Variants in MYO16 observed in about 807,000 individuals in gnomAD.
MYO16 encodes the protein myosin XVI.
Under a neutral mutation model 205.3 loss-of-function variants are expected in MYO16, and 94 were observed. The ratio of observed to expected loss-of-function variants is 0.46; its 90% CI spans 0.39 to 0.54. The LOEUF is 0.54. Ranked by LOEUF, MYO16 falls within the 20% of genes least tolerant of loss-of-function variation. The pLI is 0.00. For missense variants in MYO16, 2,315 were observed against 2,387.5 expected, an observed-to-expected ratio of 0.97 and a Z score of 0.63; for synonymous variants, 988 against 954.0, an observed-to-expected ratio of 1.04 and a Z score of -0.66.
intron 1 of MYO16, among the ~76,000 whole-genome samples, chr13:108,618,820 A>C (rs1225881530): frequency 1.3e-5 from 2 of 152,182 alleles, no homozygotes; most frequent in African/African-American, 4.8e-5. Context: ...CACTATTTAC[A>C]ACACTTAAAC....
intron 27 of MYO16, among the ~76,000 whole-genome samples, chr13:109,069,205 T>A (rs1184878349): frequency 3.9e-5 from 6 of 152,212 alleles, no homozygotes; most frequent in Admixed American, 3.3e-4. Flanking sequence ...CAAAGATCAA[T>A]ATGCTTTGTA....
the MYO16 span, among the ~76,000 whole-genome samples, chr13:108,559,672 A>AC: frequency 6.0e-5 from 9 of 150,890 alleles, no homozygotes; most frequent in Non-Finnish European, 1.0e-4. Context: ...ACGGGGTTTC[A>AC]CGTCAGCCCG....
intron 34 of MYO16, among the ~76,000 whole-genome samples, chr13:109,200,766 G>T (rs180760130): frequency 6.6e-6 from 1 of 151,736 alleles, no homozygotes; most frequent in Admixed American, 6.6e-5. Flanking sequence ...CAGCAGATTG[G>T]CACTGCTGCT....
chr13:109,178,311 G>A (rs540700825), intron 33 of MYO16, among the ~76,000 whole-genome samples: 26 of 152,166 alleles, frequency 1.7e-4, no homozygotes, highest in Admixed American at 1.4e-3. Context: ...ACTAGCCATT[G>A]TCCGCCCAGT....
chr13:108,849,351 C>A (rs1048189847), intron 10 of MYO16, among the ~76,000 whole-genome samples: 3 of 152,008 alleles, frequency 2.0e-5, no homozygotes, highest in African/African-American at 7.2e-5. Flanking sequence ...CCACCACGCC[C>A]AGCTAATTTT....
At chr13:108,565,943 T>C in the MYO16 span, among the ~76,000 whole-genome samples, 4 of 152,226 alleles carry the variant, frequency 2.6e-5, no homozygotes, top group Admixed American at 6.5e-5. Context: ...TAATGCTTTG[T>C]TGAGGATTTT....
At chr13:109,154,825 C>T (rs757185183) in intron 32 of MYO16, among the ~76,000 whole-genome samples, 3 of 146,308 alleles carry the variant, frequency 2.1e-5, no homozygotes, top group Non-Finnish European at 3.0e-5. Context: ...TATAAATAAC[C>T]TCATGACCTA....
chr13:109,190,928 G>C (rs904207579), intron 34 of MYO16, among the ~76,000 whole-genome samples: 3 of 152,084 alleles, frequency 2.0e-5, no homozygotes, highest in Non-Finnish European at 2.9e-5. Flanking sequence ...GCATAAAATT[G>C]AATTTTCAGG....
At chr13:109,155,190 A>C (rs1320785824) in intron 32 of MYO16, among the ~76,000 whole-genome samples, 1 of 152,082 alleles carries the variant, frequency 6.6e-6, no homozygotes, top group South Asian at 2.1e-4. Flanking sequence ...TTCCTACTTC[A>C]GTTGGTGTTT....
At chr13:108,646,186 AT>A (rs1880748179) in intron 1 of MYO16, among the ~76,000 whole-genome samples, 1 of 151,930 alleles carries the variant, frequency 6.6e-6, no homozygotes, top group African/African-American at 2.4e-5. Context: ...TGTTAGTTTG[AT>A]TTTCTTTTTT....
intron 1 of MYO16, among the ~76,000 whole-genome samples, chr13:108,663,850 G>A (rs953650200): frequency 6.6e-6 from 1 of 152,106 alleles, no homozygotes; most frequent in Non-Finnish European, 1.5e-5. Flanking sequence ...TTGTGGCCCT[G>A]TTGATCCCCT....
At chr13:108,823,908 G>A (rs918439810) in intron 9 of MYO16, among the ~76,000 whole-genome samples, 1 of 152,058 alleles carries the variant, frequency 6.6e-6, no homozygotes, top group African/African-American at 2.4e-5. Context: ...CAGGTGTTAT[G>A]TATATAACTT....
At chr13:108,964,230 T>C (rs966467701) in intron 19 of MYO16, among the ~76,000 whole-genome samples, 1 of 152,154 alleles carries the variant, frequency 6.6e-6, no homozygotes, top group Non-Finnish European at 1.5e-5. Context: ...TCTATTCTAG[T>C]CCCTTCCCCA....
At chr13:108,807,654 C>T (rs1300258891) in intron 7 of MYO16, among the ~76,000 whole-genome samples, 1 of 152,074 alleles carries the variant, frequency 6.6e-6, no homozygotes, top group Non-Finnish European at 1.5e-5. Flanking sequence ...TATATTTGCT[C>T]ATAATATTCC....
intron 20 of MYO16, among the ~76,000 whole-genome samples, chr13:108,987,031 G>A (rs1301352025): frequency 7.9e-5 from 12 of 152,244 alleles, no homozygotes; most frequent in African/African-American, 1.7e-4. Context: ...ACAGTGCTTT[G>A]TGCACGGGAC....
chr13:109,004,205 T>C (rs913623841), intron 21 of MYO16, among the ~76,000 whole-genome samples: 2 of 152,212 alleles, frequency 1.3e-5, no homozygotes, highest in Non-Finnish European at 2.9e-5. Flanking sequence ...CTATTTGTGT[T>C]AATTTTTAAA....
At chr13:108,516,920 A>ATGTTTTGTTT in the MYO16 span, among the ~76,000 whole-genome samples, 35 of 151,240 alleles carry the variant, frequency 2.3e-4, no homozygotes, top group African/African-American at 8.0e-4. Context: ...TTGAGTAATT[A>ATGTTTTGTTT]TGTTTTGTTT....
Position 108,618,428 on chromosome 13 carries a change from T to C in MYO16, c.-39+22189T>C, listed in dbSNP as rs1050698015. Among the ~76,000 whole-genome samples the C allele has an allele frequency of 4.6e-5, 7 of 152,280 alleles. No individual in the cohort carries two copies. The East Asian group carries it at 1.4e-3, about 29-fold the overall frequency. On this transcript the variant is annotated intron_variant, in intron 1 of 24. Coordinates refer to the MYO16 transcript ENST00000251041. ...GGTGGCAGTGGCTGTCCTAGAACAT[T>C]TGCATTGCAGATGAGAAGCTGCTAG...
At chr13:108,725,899 A>G (rs1187894340) in intron 3 of MYO16, among the ~76,000 whole-genome samples, 1 of 152,180 alleles carries the variant, frequency 6.6e-6, no homozygotes, top group East Asian at 1.9e-4. Flanking sequence ...GGAGGCTGGA[A>G]CAGTAGTAGG....
Sources: allele counts gnomAD v4.1 joint callset (sites outside exome capture counted in the v4.1 genomes callset), GRCh38; gene constraint gnomAD v4.1.1; transcripts MANE v1.5; gene names NCBI Gene and HGNC (gene_info 2026-07-23, HGNC 2026-07-21).